MICU2: variants seen among roughly 807,000 people sequenced by gnomAD.
The protein encoded by MICU2 is calcium uptake protein 2, mitochondrial.
In MICU2, 64 loss-of-function variants were observed where a neutral mutation model predicts 60.4. The ratio of observed to expected loss-of-function variants is 1.06; its 90% confidence interval spans 0.87 to 1.31. The LOEUF is 1.31. Ranked by LOEUF, MICU2 falls within the 50% of genes most tolerant of loss-of-function variation. MICU2 has a pLI of 0.00. For missense variants in MICU2, 569 were observed against 531.0 expected, an observed-to-expected ratio of 1.07 and a Z score of -0.70; for synonymous variants, 201 against 175.0, an observed-to-expected ratio of 1.15 and a Z score of -1.17.
chr13:21,560,589 T>C (rs961844679), intron 2 of MICU2, among the ~76,000 whole-genome samples: 1 of 151,980 alleles, frequency 6.6e-6, no homozygotes, highest in Non-Finnish European at 1.5e-5. Context: ...GCCCCTTGTT[T>C]TTCCGTATAA....
chr13:21,545,600 G>C (rs1887396007), intron 2 of MICU2, among the ~76,000 whole-genome samples: 1 of 151,938 alleles, frequency 6.6e-6, no homozygotes. Context: ...AGAATCACTT[G>C]AGCCTGGAAG....
chr13:21,515,575 C>T (rs772250121), intron 6 of MICU2: 16 of 433,714 alleles, frequency 3.7e-5, no homozygotes, highest in Admixed American at 7.7e-5. Context: ...ATATGGAAAG[C>T]AAATTTAAAA....
At chr13:21,554,550 T>C (rs985968436) in intron 2 of MICU2, among the ~76,000 whole-genome samples, 9 of 152,096 alleles carry the variant, frequency 5.9e-5, no homozygotes, top group African/African-American at 2.2e-4. Flanking sequence ...GAGGGAAATT[T>C]ATAGCACAAA....
At chr13:21,530,271 T>C (rs1302173794) in intron 4 of MICU2, among the ~76,000 whole-genome samples, 1 of 152,232 alleles carries the variant, frequency 6.6e-6, no homozygotes, top group African/African-American at 2.4e-5. Flanking sequence ...TCTCTATCCT[T>C]ACAGCCATTT....
At chr13:21,551,715 G>A (rs1432886216) in intron 2 of MICU2, among the ~76,000 whole-genome samples, 1 of 151,090 alleles carries the variant, frequency 6.6e-6, no homozygotes, top group Admixed American at 6.6e-5. Flanking sequence ...GCGATAGTTT[G>A]CTGAGAATGA....
intron 1 of MICU2, among the ~76,000 whole-genome samples, chr13:21,583,554 T>C (rs1310927637): frequency 6.6e-6 from 1 of 152,200 alleles, no homozygotes; most frequent in Non-Finnish European, 1.5e-5. Flanking sequence ...GCTGGATCAG[T>C]TATCATCTGA....
At chr13:21,500,611 G>A (rs1330363915) in intron 9 of MICU2, among the ~76,000 whole-genome samples, 8 of 151,668 alleles carry the variant, frequency 5.3e-5, no homozygotes, top group Admixed American at 5.3e-4. Flanking sequence ...TAGAGATGGG[G>A]TTTCACCATG....
chr13:21,519,379 A>G (rs1886659811), intron 6 of MICU2, among the ~76,000 whole-genome samples: 1 of 151,912 alleles, frequency 6.6e-6, no homozygotes, highest in Non-Finnish European at 1.5e-5. Flanking sequence ...CTGCTTTTAA[A>G]CACTCCCTCT....
At chr13:21,538,965 T>C (rs887931545) in intron 4 of MICU2, among the ~76,000 whole-genome samples, 4 of 152,178 alleles carry the variant, frequency 2.6e-5, no homozygotes, top group Non-Finnish European at 4.4e-5. Flanking sequence ...GCTTGGCTTC[T>C]GTGATAACAC....
At chr13:21,511,907 G>GT (rs1254513186) in intron 7 of MICU2, among the ~76,000 whole-genome samples, 1 of 151,960 alleles carries the variant, frequency 6.6e-6, no homozygotes, top group Non-Finnish European at 1.5e-5. Flanking sequence ...TTGCAGAGCA[G>GT]TATTTCATGG....
intron 2 of MICU2, among the ~76,000 whole-genome samples, chr13:21,547,391 C>T (rs1037496879): frequency 3.3e-5 from 5 of 152,222 alleles, no homozygotes; most frequent in African/African-American, 1.2e-4. Context: ...CCATTCTTCA[C>T]ATATCCTCTG....
At position 21,539,026 on chromosome 13, in the gene MICU2, G is replaced by A. The variant is rs144592515; in HGVS notation, c.466+276C>T. On this transcript the variant is annotated intron_variant, in intron 4 of 11. Transcript: ENST00000382374. ...GATTACTCTGCCATGACCTCTTTCC[G>A]TCCACTCCCCTAAGTGGTGTGGCTC... is the stretch of plus-strand genomic sequence containing the variant. 3.4e-3 allele frequency among the ~76,000 whole-genome samples: 472 copies of A among 137,682 alleles called. 2 individuals are homozygous for A. Among genetic ancestry groups the A allele is most frequent in the African/African-American group, 0.011 (446 of 39,432 alleles). The allele number at this position is 137,682 out of a possible 152,430, so 90.3% of individuals were successfully genotyped here.
chr13:21,503,504 AATGTTAATCATAATT>A (rs1183280959), intron 8 of MICU2, among the ~76,000 whole-genome samples: 1 of 152,242 alleles, frequency 6.6e-6, no homozygotes, highest in Non-Finnish European at 1.5e-5. Flanking sequence ...CTGCTTTTAG[AATGTTAATCATAATT>A]ACTACTTCCT....
intron 4 of MICU2, among the ~76,000 whole-genome samples, chr13:21,526,567 C>A (rs573797153): frequency 6.6e-6 from 1 of 151,646 alleles, no homozygotes; most frequent in African/African-American, 2.4e-5. Flanking sequence ...ATACTAGATA[C>A]CATAGAGAGA....
At chr13:21,520,034 T>G (rs1351127254) in intron 6 of MICU2, among the ~76,000 whole-genome samples, 1 of 152,212 alleles carries the variant, frequency 6.6e-6, no homozygotes, top group Non-Finnish European at 1.5e-5. Context: ...TCTCCTGGCC[T>G]CAGGCAACCA....
At position 21,509,717 on chromosome 13, in the gene MICU2, G is replaced by T. The variant is rs145013734; in HGVS notation, c.761+287C>A. Among the ~76,000 whole-genome samples the T allele has an allele frequency of 1.7e-3, 255 of 152,326 alleles. 3 individuals are homozygous for T. The highest frequency in any genetic ancestry group is 5.9e-3 in the African/African-American group (247 of 41,580). ...TTGTTTCGCCTAAAGAACAACTGAC[G>T]CTAGGCGCATGGTTCTTTGTTGCAA... On this transcript the variant is annotated intron_variant, in intron 8 of 11. Coordinates refer to ENST00000382374, the MANE Select transcript of MICU2 (RefSeq NM_152726.3).
At chr13:21,547,148 C>A (rs1362827751) in intron 2 of MICU2, among the ~76,000 whole-genome samples, 1 of 152,076 alleles carries the variant, frequency 6.6e-6, no homozygotes, top group East Asian at 1.9e-4. Flanking sequence ...CCTTTTATTG[C>A]CTAGTCTCAG....
chr13:21,569,241 G>A (rs1888052733), intron 1 of MICU2, among the ~76,000 whole-genome samples: 1 of 152,130 alleles, frequency 6.6e-6, no homozygotes, highest in African/African-American at 2.4e-5. Flanking sequence ...TTCCAACAAC[G>A]CTATCAACAT....
At chr13:21,549,117 G>C (rs1439493057) in intron 2 of MICU2, among the ~76,000 whole-genome samples, 2 of 151,562 alleles carry the variant, frequency 1.3e-5, no homozygotes, top group Non-Finnish European at 2.9e-5. Flanking sequence ...TTTTAGTAGA[G>C]ACGGGGTTTC....
Sources: gnomAD v4.1 joint callset for allele counts (sites outside exome capture counted in the v4.1 genomes callset) on GRCh38, gnomAD v4.1.1 for gene constraint, MANE v1.5 for transcripts, NCBI Gene and HGNC (gene_info 2026-07-23, HGNC 2026-07-21) for gene names.